The following RPS16 variants were observed in gnomAD, a reference collection of about 807,000 sequenced individuals.
RPS16 encodes small ribosomal subunit protein uS9.
RPS16 carries 2 observed loss-of-function variants against 20.1 expected under a neutral mutation model. The observed-to-expected ratio is 0.10, with a 90% CI of 0.04 to 0.31. The LOEUF is 0.31. RPS16 is among the 10% of genes least tolerant of loss of function. The probability of loss-of-function intolerance (pLI) is 1.00; values close to 1 mark genes in which losing one functional copy is unlikely to be tolerated. For missense variants in RPS16, 129 were observed against 198.6 expected, an observed-to-expected ratio of 0.65 and a Z score of 2.11; for synonymous variants, 95 against 76.1, an observed-to-expected ratio of 1.25 and a Z score of -1.29.
Position 39,433,658 on chromosome 19 carries a change from G to C in RPS16, c.247+7C>G. ...CCTCCTCCATGCGCCCAGTTCCTGGGACTCACCATAAATCTGGGCCACGTG... is the reference window on the plus strand; with the variant it reads ...CCTCCTCCATGCGCCCAGTTCCTGGCACTCACCATAAATCTGGGCCACGTG... On this transcript the variant is annotated splice_region_variant and intron_variant, in intron 3 of 4. Transcript: ENST00000251453. 6.2e-7 allele frequency: 1 copy of C among 1,614,162 alleles called. No homozygotes were observed. Among genetic ancestry groups the C allele is most frequent in the Admixed American group, 1.7e-5 (1 of 60,016 alleles).
rs950696191 is a variant in RPS16 at position 39,433,140 on chromosome 19, G to T, written c.*133C>A. Reference sequence around the variant, plus strand: ...AGGGTCAAAATCCAGACTGGCAATAGGTCCAGGATGTTTACTGATTTCTGT... The same window carrying T: ...AGGGTCAAAATCCAGACTGGCAATATGTCCAGGATGTTTACTGATTTCTGT... On this transcript the variant is annotated 3_prime_UTR_variant, in exon 5 of 5. Transcript: ENST00000251453. The T allele has an allele frequency of 3.9e-6, 4 of 1,018,228 alleles. No homozygotes were observed. Among genetic ancestry groups the T allele is most frequent in the Non-Finnish European group, 5.8e-6 (4 of 685,594 alleles). 63.1% of individuals were successfully genotyped at this position (1,018,228 alleles called of 1,614,324 possible).
chr19:39,433,614 G>A (rs2078842684), intron 3 of RPS16, 45 bp from the exon 4 acceptor site: 4 of 1,614,204 alleles, frequency 2.5e-6, no homozygotes, highest in Non-Finnish European at 3.4e-6. Context: ...GCGCTGTGAA[G>A]GCCTCCCTCC....
chr19:39,435,311 T>C (rs919626244), intron 2 of RPS16: 6 of 370,492 alleles, frequency 1.6e-5, no homozygotes, highest in Non-Finnish European at 2.9e-5. Context: ...AACAAATAAA[T>C]AAAATAAAAA....
chr19:39,435,687 G>C lies in RPS16; in HGVS notation c.70C>G (p.His24Asp), dbSNP rs751720528. ...GRKKTATAVA[H>D]CKRGNGLIKV... ...ATGAGACCATTGCCGCGTTTGCAGT[G>C]CGCCACAGCTGTCGCTGTCTTCTGT... Residue 24 changes from histidine to aspartate, a missense_variant, in exon 2 of 5, where the codon CAC (histidine) becomes GAC (aspartate). Physicochemically the swap from His to Asp is moderately conservative, Grantham distance 81. This residue lies in a region of RPS16 where 117 missense variants were observed against 151.4 expected (regional missense o/e 0.77). Transcript: ENST00000251453. The C allele has an allele frequency of 6.2e-7, 1 of 1,613,924 alleles. No individual in the cohort carries two copies. Among genetic ancestry groups the C allele is most frequent in the Non-Finnish European group, 8.5e-7 (1 of 1,180,044 alleles).
At position 39,433,772 on chromosome 19, in the gene RPS16, G is replaced by A; in HGVS notation, c.151-11C>T. On this transcript the variant is annotated splice_polypyrimidine_tract_variant and intron_variant, in intron 2 of 4. Coordinates refer to ENST00000251453, the MANE Select transcript of RPS16 (RefSeq NM_001020.6). Reference sequence around the variant, plus strand: ...AACTGGCTCCAGCAGCTAAAGGAATGGGGAATGAACAGGGATTTAAGTTAC... The same window carrying A: ...AACTGGCTCCAGCAGCTAAAGGAATAGGGAATGAACAGGGATTTAAGTTAC... The A allele has an allele frequency of 6.2e-7, 1 of 1,613,016 alleles. No homozygotes were observed.
chr19:39,434,917 ACT>A (rs1338448292), intron 2 of RPS16: 1 of 152,130 alleles, frequency 6.6e-6, no homozygotes, highest in Non-Finnish European at 1.5e-5. Context: ...CAGAAATCAG[ACT>A]CTGGTTTCTT....
intron 2 of RPS16, 161 bp from the exon 3 acceptor site, chr19:39,433,922 G>A (rs2078845134): frequency 1.5e-6 from 1 of 646,590 alleles, no homozygotes; most frequent in African/African-American, 1.8e-5. Context: ...ACCCAGAGAA[G>A]AGGAAAGTCA....
In RPS16 at chr19:39,433,576, G is replaced by GA; in HGVS notation, c.248-8dup. Reference sequence around the variant, plus strand: ...GAGATGGACTGACGGATAGCTGTGAGAAAGACACACAATTAAAGGGTACAG... The same window carrying GA: ...GAGATGGACTGACGGATAGCTGTGAGAAAAGACACACAATTAAAGGGTACAG... On this transcript the variant is annotated splice_polypyrimidine_tract_variant and splice_region_variant and intron_variant, in intron 3 of 4. Transcript: ENST00000251453. 6.2e-7 allele frequency: 1 copy of GA among 1,614,242 alleles called. No individual in the cohort carries two copies. Among genetic ancestry groups the GA allele is most frequent in the Non-Finnish European group, 8.5e-7 (1 of 1,180,044 alleles).
chr19:39,435,931 G>A lies in RPS16; in HGVS notation c.-36C>T. 6.2e-7 allele frequency: 1 copy of A among 1,602,184 alleles called. No individual in the cohort carries two copies. The highest frequency in any genetic ancestry group is 8.5e-7 in the Non-Finnish European group (1 of 1,179,862). ...GTGGACTAGACAACCTCACCGCGCG[G>A]CGCCGCAACCGGAAAAGGAAAGCTA... On this transcript the variant is annotated 5_prime_UTR_variant, in exon 1 of 5. Coordinates refer to ENST00000251453, the MANE Select transcript of RPS16 (RefSeq NM_001020.6).
At position 39,434,129 on chromosome 19, in the gene RPS16, G is replaced by A. The variant is rs903992359; in HGVS notation, c.151-368C>T. On this transcript the variant is annotated intron_variant, in intron 2 of 4. Coordinates refer to ENST00000251453, the MANE Select transcript of RPS16 (RefSeq NM_001020.6). ...ACTCCCAAGGCTGTTTCAAGTAGTC[G>A]AAAGCCATCCCTGGACTGTTCAGGT... 6.3e-5 allele frequency: 19 copies of A among 303,408 alleles called. 1 individual carries two copies. The highest frequency in any genetic ancestry group is 4.5e-4 in the South Asian group (14 of 30,956). The allele number at this position is 303,408 out of a possible 1,614,324, so 18.8% of individuals were successfully genotyped here.
intron 2 of RPS16, 108 bp from the exon 3 acceptor site, chr19:39,433,869 C>G: frequency 1.9e-6 from 2 of 1,040,512 alleles, no homozygotes; most frequent in Non-Finnish European, 2.9e-6. Flanking sequence ...CCTTCAAGTA[C>G]TAGTGGATGG....
chr19:39,435,844 T>A lies in RPS16; in HGVS notation c.48+4A>T. The stretch of plus-strand genomic sequence containing the variant: ...CTCCCCTTCCCATCCGGCGTCTGGC[T>A]CACCTTGCGTCCGAAGACCTGCACA... On this transcript the variant is annotated splice_donor_region_variant and intron_variant, in intron 1 of 4. Coordinates refer to ENST00000251453, the MANE Select transcript of RPS16 (RefSeq NM_001020.6). The A allele has an allele frequency of 6.2e-7, 1 of 1,610,562 alleles. No individual in the cohort carries two copies.
intron 1 of RPS16, 58 bp from the exon 2 acceptor site, chr19:39,435,766 C>T (rs2078859073): frequency 6.9e-6 from 11 of 1,605,110 alleles, no homozygotes; most frequent in Non-Finnish European, 9.4e-6. Context: ...TCCCATGTTA[C>T]CCCCTAGATT....
intron 2 of RPS16, 78 bp downstream of exon 2, chr19:39,435,529 C>T: frequency 8.2e-7 from 1 of 1,222,368 alleles, no homozygotes; most frequent in Non-Finnish European, 1.2e-6. Flanking sequence ...ATGCCAGCCC[C>T]CCCAGCTTTC....
At chr19:39,434,152 G>C in intron 2 of RPS16, 2 of 213,968 alleles carry the variant, frequency 9.3e-6, no homozygotes, top group East Asian at 2.1e-4. Flanking sequence ...GGACTGTTCA[G>C]GTGCCTTTTC....
At chr19:39,434,841 A>T (rs571313223) in intron 2 of RPS16, 39 of 152,322 alleles carry the variant, frequency 2.6e-4, no homozygotes, top group African/African-American at 8.7e-4. Flanking sequence ...ACTCAAAAAA[A>T]ATTTTTTTAA....
rs2078856194 is a variant in RPS16 at position 39,435,488 on chromosome 19, C to A, written c.150+119G>T. 9.1e-6 allele frequency: 7 copies of A among 765,512 alleles called. No homozygotes were observed. In the Admixed American group the frequency reaches 1.7e-4, roughly 18 times the overall value. 47.4% of individuals were successfully genotyped at this position (765,512 alleles called of 1,614,324 possible). Reference sequence around the variant, plus strand: ...TTGCCAAATACCCCACTGTTCTACACCCAACACAACTTCTAAACATCCCGT... The same window carrying A: ...TTGCCAAATACCCCACTGTTCTACAACCAACACAACTTCTAAACATCCCGT... On this transcript the variant is annotated intron_variant, in intron 2 of 4. Transcript: ENST00000251453.
chr19:39,435,229 G>A (rs2078853906), intron 2 of RPS16: 1 of 194,348 alleles, frequency 5.1e-6, no homozygotes, highest in Non-Finnish European at 1.1e-5. Flanking sequence ...AACCCGGGAG[G>A]CGAAGGTTGC....
At position 39,433,502 on chromosome 19, in the gene RPS16, A is replaced by T; in HGVS notation, c.295+20T>A. ...CCCACACACCCATCTACCTCATGGG[A>T]AGGACCCATGCTCACTCACATTTCT... On this transcript the variant is annotated intron_variant, in intron 4 of 4. Coordinates refer to ENST00000251453, the MANE Select transcript of RPS16 (RefSeq NM_001020.6). 6.2e-7 allele frequency: 1 copy of T among 1,613,492 alleles called. No individual in the cohort carries two copies. The highest frequency in any genetic ancestry group is 8.5e-7 in the Non-Finnish European group (1 of 1,179,394).
Sources: gnomAD v4.1 joint callset for allele counts on GRCh38, gnomAD v4.1.1 for gene constraint, gnomAD v4.1.1 regional missense constraint, MANE v1.5 for transcripts, NCBI Gene and HGNC (gene_info 2026-07-23, HGNC 2026-07-21) for gene names.